The following CHSY3 variants were observed in gnomAD, a reference collection of about 807,000 sequenced individuals.
CHSY3 encodes N-acetylgalactosaminyl-proteoglycan 3-beta-glucuronosyltransferase 3.
A neutral mutation model predicts 67.2 loss-of-function variants in CHSY3; 35 were observed. The observed-to-expected ratio is 0.52, with a 90% CI of 0.40 to 0.69. The LOEUF is 0.69. CHSY3 is among the 30% of genes least tolerant of loss of function. The pLI is 0.00. For synonymous variants in CHSY3, 474 were observed against 434.7 expected, an observed-to-expected ratio of 1.09 and a Z score of -1.12; for missense variants, 1,069 against 1,138.5, an observed-to-expected ratio of 0.94 and a Z score of 0.88.
intron 2 of CHSY3, among the ~76,000 whole-genome samples, chr5:130,070,162 T>C (rs1766012131): frequency 6.6e-6 from 1 of 152,066 alleles, no homozygotes; most frequent in Admixed American, 6.6e-5. Flanking sequence ...TTCAGAAACA[T>C]ATTTACCCTT....
intron 2 of CHSY3, among the ~76,000 whole-genome samples, chr5:129,914,194 TC>T (rs1760664418): frequency 1.3e-5 from 2 of 152,056 alleles, no homozygotes; most frequent in East Asian, 1.9e-4. Context: ...CACTGCAACC[TC>T]CCCCTCCCAG....
chr5:129,998,566 A>G (rs530614542), intron 2 of CHSY3, among the ~76,000 whole-genome samples: 45 of 152,272 alleles, frequency 3.0e-4, no homozygotes, highest in African/African-American at 1.0e-3. Context: ...AAATTTTCAT[A>G]TAGGTTGATT....
intron 2 of CHSY3, among the ~76,000 whole-genome samples, chr5:130,066,392 A>G (rs1047671270): frequency 1.3e-5 from 2 of 152,102 alleles, no homozygotes; most frequent in Non-Finnish European, 2.9e-5. Context: ...GGAGCATAAA[A>G]GTTAAGTGAC....
chr5:130,167,559 G>T (rs367824458), intron 2 of CHSY3, among the ~76,000 whole-genome samples: 5 of 152,094 alleles, frequency 3.3e-5, no homozygotes, highest in Admixed American at 2.6e-4. Flanking sequence ...TCAAGCTGAG[G>T]GAAATGTTAA....
At chr5:130,016,644 AG>A in intron 2 of CHSY3, among the ~76,000 whole-genome samples, 1 of 152,238 alleles carries the variant, frequency 6.6e-6, no homozygotes, top group South Asian at 2.1e-4. Flanking sequence ...TCCTGACCTC[AG>A]GTGATCTGCC....
In CHSY3 at chr5:129,999,044, T is replaced by A. The variant is rs575957361; in HGVS notation, c.1086+90684T>A. On this transcript the variant is annotated intron_variant, in intron 2 of 2. Coordinates refer to ENST00000305031, the MANE Select transcript of CHSY3 (RefSeq NM_175856.5). ...CCATTTTATTCTAAAATATTACAAG[T>A]TTTTAAAAATGTTTAAAACCCTGAT... Among the ~76,000 whole-genome samples the A allele has an allele frequency of 2.0e-5, 3 of 152,124 alleles. No individual in the cohort carries two copies. In the East Asian group the frequency reaches 5.8e-4, roughly 29 times the overall value.
At chr5:130,021,331 A>T (rs977356784) in intron 2 of CHSY3, among the ~76,000 whole-genome samples, 1 of 152,306 alleles carries the variant, frequency 6.6e-6, no homozygotes, top group African/African-American at 2.4e-5. Context: ...CCCAAATAGT[A>T]ATAATACCTA....
intron 2 of CHSY3, chr5:130,140,958 G>T: frequency 1.2e-6 from 1 of 825,314 alleles, no homozygotes; most frequent in South Asian, 4.7e-5. Flanking sequence ...CTGTTCCATG[G>T]CACTCTAGAC....
intron 2 of CHSY3, among the ~76,000 whole-genome samples, chr5:130,143,720 ATGTGTGTGTG>A (rs371451856): frequency 2.7e-5 from 3 of 110,584 alleles, no homozygotes; most frequent in Non-Finnish European, 3.5e-5. Context: ...ATATATATAT[ATGTGTGTGTG>A]TGTGTATATA....
chr5:130,153,089 G>T (rs2149724813), intron 2 of CHSY3, among the ~76,000 whole-genome samples: 1 of 152,062 alleles, frequency 6.6e-6, no homozygotes, highest in East Asian at 1.9e-4. Flanking sequence ...AAATTAGCTG[G>T]GTGTGGTGGT....
intron 2 of CHSY3, among the ~76,000 whole-genome samples, chr5:130,171,748 C>G (rs1769898754): frequency 1.3e-5 from 2 of 152,256 alleles, no homozygotes; most frequent in East Asian, 3.9e-4. Flanking sequence ...TTACCCATAT[C>G]AGATTGTTAC....
Position 130,100,065 on chromosome 5 carries a change from G to T in CHSY3, c.1087-84164G>T, listed in dbSNP as rs539699503. 2.2e-4 allele frequency among the ~76,000 whole-genome samples: 34 copies of T among 152,176 alleles called. No homozygotes were observed. In the East Asian group the frequency reaches 6.4e-3, roughly 29 times the overall value. On this transcript the variant is annotated intron_variant, in intron 2 of 2. Coordinates refer to ENST00000305031, the MANE Select transcript of CHSY3 (RefSeq NM_175856.5). Reference sequence around the variant, plus strand: ...ATACTGTATTTTGGAAAGCATCAATGCTTTCCAAAAGCATTAATTAATGAG... The same window carrying T: ...ATACTGTATTTTGGAAAGCATCAATTCTTTCCAAAAGCATTAATTAATGAG...
chr5:129,974,765 G>A (rs1374575246), intron 2 of CHSY3: 1 of 152,144 alleles, frequency 6.6e-6, no homozygotes, highest in Non-Finnish European at 1.5e-5. Flanking sequence ...CAGATTTCAG[G>A]ACACCATAGA....
At chr5:130,024,448 A>G (rs1420543281) in intron 2 of CHSY3, among the ~76,000 whole-genome samples, 1 of 152,068 alleles carries the variant, frequency 6.6e-6, no homozygotes, top group African/African-American at 2.4e-5. Context: ...TTTTCGAGCA[A>G]TTAGTTTGGG....
chr5:130,182,912 T>TTTTTATC (rs1349589549), intron 2 of CHSY3, among the ~76,000 whole-genome samples: 10 of 152,074 alleles, frequency 6.6e-5, no homozygotes, highest in African/African-American at 2.4e-4. Context: ...GCCAGTTTAC[T>TTTTTATC]TTTTATCTTT....
At chr5:130,068,316 T>C (rs1765950280) in intron 2 of CHSY3, among the ~76,000 whole-genome samples, 1 of 152,106 alleles carries the variant, frequency 6.6e-6, no homozygotes. Context: ...GATTTCATAA[T>C]TACCAAAGCA....
At chr5:129,951,954 G>A (rs1762035463) in intron 2 of CHSY3, among the ~76,000 whole-genome samples, 2 of 152,160 alleles carry the variant, frequency 1.3e-5, no homozygotes, top group South Asian at 4.1e-4. Flanking sequence ...GGTTATACTA[G>A]AAGGAATGAC....
chr5:130,032,756 C>G (rs1471012199), intron 2 of CHSY3, among the ~76,000 whole-genome samples: 1 of 152,158 alleles, frequency 6.6e-6, no homozygotes, highest in East Asian at 1.9e-4. Context: ...TAAACCTACA[C>G]TCCTGAAGTT....
At chr5:130,130,045 A>G (rs1768429414) in intron 2 of CHSY3, among the ~76,000 whole-genome samples, 2 of 152,224 alleles carry the variant, frequency 1.3e-5, no homozygotes, top group Admixed American at 6.5e-5. Flanking sequence ...ATAGGGAACT[A>G]GAAACAGATG....
Sources: allele counts gnomAD v4.1 joint callset (sites outside exome capture counted in the v4.1 genomes callset), GRCh38; gene constraint gnomAD v4.1.1; transcripts MANE v1.5; gene names NCBI Gene and HGNC (gene_info 2026-07-23, HGNC 2026-07-21).